Variants in SH3GL2 observed in about 807,000 individuals in gnomAD.
SH3GL2 encodes the protein SH3 domain containing GRB2 like 2, endophilin A1.
Under a neutral mutation model 46.0 loss-of-function variants are expected in SH3GL2, and 24 were observed. The observed-to-expected ratio is 0.52, with a 90% CI of 0.38 to 0.73. The LOEUF (loss-of-function observed/expected upper bound fraction) is 0.73, where lower values mean the gene tolerates loss of function less well. SH3GL2 is among the 30% of genes least tolerant of loss of function. SH3GL2 has a pLI of 0.00. For missense variants in SH3GL2, 413 were observed against 424.2 expected (o/e 0.97, Z 0.23); for synonymous variants, 196 against 147.1 (o/e 1.33, Z -2.40).
intron 1 of SH3GL2, among the ~76,000 whole-genome samples, chr9:17,596,828 A>C (rs1818579407): frequency 6.6e-6 from 1 of 152,218 alleles, no homozygotes; most frequent in Non-Finnish European, 1.5e-5. Flanking sequence ...TGAGATGGGC[A>C]GGCCACTTTT....
At chr9:17,758,043 AATGTGACT>A (rs1197479162) in intron 2 of SH3GL2, among the ~76,000 whole-genome samples, 3 of 152,120 alleles carry the variant, frequency 2.0e-5, no homozygotes, top group African/African-American at 7.2e-5. Flanking sequence ...ATGACTTCAG[AATGTGACT>A]AATCATTGGA....
intron 1 of SH3GL2, among the ~76,000 whole-genome samples, chr9:17,596,169 C>T (rs1818567294): frequency 6.6e-6 from 1 of 152,112 alleles, no homozygotes; most frequent in Non-Finnish European, 1.5e-5. Flanking sequence ...AGGCATTTAG[C>T]TTAAAACTAT....
At chr9:17,763,225 C>T (rs751322063) in intron 3 of SH3GL2, among the ~76,000 whole-genome samples, 4 of 152,090 alleles carry the variant, frequency 2.6e-5, no homozygotes, top group Admixed American at 6.5e-5. Flanking sequence ...CATCAGTTTT[C>T]CTGAGTATAA....
intron 1 of SH3GL2, among the ~76,000 whole-genome samples, chr9:17,586,207 C>G (rs907653666): frequency 2.0e-5 from 3 of 152,076 alleles, no homozygotes; most frequent in Non-Finnish European, 2.9e-5. Flanking sequence ...TGTAGTTGCT[C>G]TACCCTAATC....
chr9:17,770,569 C>T (rs917666049), intron 3 of SH3GL2, among the ~76,000 whole-genome samples: 1 of 152,130 alleles, frequency 6.6e-6, no homozygotes, highest in African/African-American at 2.4e-5. Context: ...GTAATGGAAT[C>T]AACTACTCAC....
intron 1 of SH3GL2, among the ~76,000 whole-genome samples, chr9:17,599,717 C>A (rs557432886): frequency 6.6e-6 from 1 of 152,150 alleles, no homozygotes; most frequent in East Asian, 1.9e-4. Context: ...TAGCATGAAC[C>A]CATATGTAAA....
intron 1 of SH3GL2, among the ~76,000 whole-genome samples, chr9:17,616,665 T>C (rs536414639): frequency 6.6e-6 from 1 of 152,254 alleles, no homozygotes; most frequent in Admixed American, 6.5e-5. Flanking sequence ...TCAAAAAGTA[T>C]TTTCTCCTGT....
At chr9:17,645,294 C>G (rs1819787621) in intron 1 of SH3GL2, among the ~76,000 whole-genome samples, 1 of 150,796 alleles carries the variant, frequency 6.6e-6, no homozygotes, top group Non-Finnish European at 1.5e-5. Context: ...CTCCTGAATA[C>G]AACACACCGA....
At chr9:17,671,289 T>C (rs1419037244) in intron 1 of SH3GL2, among the ~76,000 whole-genome samples, 2 of 146,334 alleles carry the variant, frequency 1.4e-5, no homozygotes, top group Non-Finnish European at 3.0e-5. Flanking sequence ...GTTTCTGTTT[T>C]ACACAATGAG....
At chr9:17,627,876 T>C (rs1418540873) in intron 1 of SH3GL2, among the ~76,000 whole-genome samples, 1 of 152,200 alleles carries the variant, frequency 6.6e-6, no homozygotes, top group Non-Finnish European at 1.5e-5. Context: ...AGTGACTCAA[T>C]ATAACAGTGG....
intron 1 of SH3GL2, among the ~76,000 whole-genome samples, chr9:17,696,470 A>G (rs1162772736): frequency 6.6e-6 from 1 of 152,206 alleles, no homozygotes; most frequent in Non-Finnish European, 1.5e-5. Flanking sequence ...ATTTATGAAC[A>G]GAAGAGGTTT....
intron 3 of SH3GL2, 38 bp downstream of exon 3, chr9:17,761,547 G>A: frequency 8.0e-7 from 1 of 1,255,926 alleles, no homozygotes; most frequent in Non-Finnish European, 1.2e-6. Flanking sequence ...GATCCCTCGA[G>A]GTAACTTTTA....
chr9:17,782,736 A>G (rs1823846001), intron 3 of SH3GL2, among the ~76,000 whole-genome samples: 1 of 152,168 alleles, frequency 6.6e-6, no homozygotes, highest in African/African-American at 2.4e-5. Flanking sequence ...GGGTTTGAAA[A>G]AATGATGTAT....
chr9:17,693,976 C>T (rs907965417), intron 1 of SH3GL2, among the ~76,000 whole-genome samples: 17 of 152,174 alleles, frequency 1.1e-4, no homozygotes, highest in South Asian at 2.1e-4. Flanking sequence ...GTGAAGTGTA[C>T]GCTATATTTT....
rs143316209 is a variant in SH3GL2, at chr9:17,728,156, A to C, written c.46-18910A>C. Among the ~76,000 whole-genome samples, 194 of 152,280 alleles carry C rather than the reference A, an allele frequency of 1.3e-3. 3 individuals carry two copies. Among genetic ancestry groups the C allele is most frequent in the African/African-American group, 4.0e-3 (167 of 41,574 alleles). ...AATAATGTAACAGATTTCTATGCGAATCTAGTCTTCCTCCTTGACTTTTCA... is the reference window on the plus strand; with the variant it reads ...AATAATGTAACAGATTTCTATGCGACTCTAGTCTTCCTCCTTGACTTTTCA... On this transcript the variant is annotated intron_variant, in intron 1 of 8. Transcript: ENST00000380607.
chr9:17,686,567 G>A lies in SH3GL2; in HGVS notation c.46-60499G>A, dbSNP rs200708595. The stretch of plus-strand genomic sequence containing the variant: ...ATGTCCAACAATGATAGACTGGATT[G>A]AGAAAATGTGGCACATATACACCAT... On this transcript the variant is annotated intron_variant, in intron 1 of 8. Coordinates refer to ENST00000380607, the MANE Select transcript of SH3GL2 (RefSeq NM_003026.5). Among the ~76,000 whole-genome samples, 11 of 145,750 alleles carry A rather than the reference G, an allele frequency of 7.5e-5. No individual in the cohort carries two copies. The South Asian group carries it at 9.3e-4, about 12-fold the overall frequency.
intron 2 of SH3GL2, among the ~76,000 whole-genome samples, chr9:17,760,571 A>G (rs1823141461): frequency 6.6e-6 from 1 of 152,162 alleles, no homozygotes; most frequent in African/African-American, 2.4e-5. Flanking sequence ...CTTTTAACAA[A>G]CAGAAAATTT....
At chr9:17,788,015 C>T (rs1338421748) in intron 5 of SH3GL2, among the ~76,000 whole-genome samples, 6 of 152,088 alleles carry the variant, frequency 3.9e-5, no homozygotes, top group African/African-American at 7.2e-5. Flanking sequence ...AGGAAGAATA[C>T]CAACTAGCCA....
intron 8 of SH3GL2, 29 bp downstream of exon 8, chr9:17,793,526 C>G: frequency 6.2e-7 from 1 of 1,609,208 alleles, no homozygotes; most frequent in Non-Finnish European, 8.5e-7. Context: ...GATCCTATTG[C>G]ATAGCCCTTG....
Sources: allele counts gnomAD v4.1 joint callset (sites outside exome capture counted in the v4.1 genomes callset), GRCh38; gene constraint gnomAD v4.1.1; transcripts MANE v1.5; gene names NCBI Gene and HGNC (gene_info 2026-07-23, HGNC 2026-07-21).